Variants in MINDY2 observed in about 807,000 individuals in gnomAD.
The protein encoded by MINDY2 is ubiquitin carboxyl-terminal hydrolase MINDY-2.
MINDY2 carries 52 observed loss-of-function variants against 68.2 expected under a neutral mutation model. The observed-to-expected ratio is 0.76, with a 90% CI of 0.61 to 0.96. The LOEUF (loss-of-function observed/expected upper bound fraction) is 0.96. Ranked by LOEUF, MINDY2 falls within the 40% of genes least tolerant of loss-of-function variation. The probability of loss-of-function intolerance (pLI) is 0.00; values close to 1 mark genes in which losing one functional copy is unlikely to be tolerated. For synonymous variants in MINDY2, 372 were observed against 303.0 expected (o/e 1.23, Z -2.36); for missense variants, 881 against 773.4 (o/e 1.14, Z -1.65).
intron 6 of MINDY2, among the ~76,000 whole-genome samples, chr15:58,840,546 C>G (rs2032224145): frequency 6.6e-6 from 1 of 151,850 alleles, no homozygotes; most frequent in Non-Finnish European, 1.5e-5. Context: ...TCACTTCTTT[C>G]CTTGTACATC....
intron 5 of MINDY2, among the ~76,000 whole-genome samples, chr15:58,826,870 C>A (rs1444211923): frequency 6.6e-6 from 1 of 151,680 alleles, no homozygotes; most frequent in South Asian, 2.1e-4. Flanking sequence ...CCCTTCCTCC[C>A]TTCCTTCCTT....
chr15:58,771,838 C>A lies in MINDY2; in HGVS notation c.443C>A (p.Ser148Tyr). 2 of 1,606,966 alleles carry A rather than the reference C, an allele frequency of 1.2e-6. No homozygotes were observed. Among genetic ancestry groups the A allele is most frequent in the Non-Finnish European group, 1.7e-6 (2 of 1,177,180 alleles). Residue 148 changes from serine (S) to tyrosine (Y), a missense_variant, in exon 1 of 9, where the codon TCC becomes TAC. Coordinates refer to ENST00000559228, the MANE Select transcript of MINDY2 (RefSeq NM_001040450.3). Reference sequence around the variant, plus strand: ...CAAGCAGAACTGACCGCCGCCGGCTCCGAAGAGCCCAGCAGCGCCGGCGGC... The same window carrying A: ...CAAGCAGAACTGACCGCCGCCGGCTACGAAGAGCCCAGCAGCGCCGGCGGC... ...TCQAELTAAGSEEPSSAGGLS... is the reference protein window; with the variant it reads ...TCQAELTAAGYEEPSSAGGLS...
chr15:58,853,819 T>TAAAA (rs10563818), intron 8 of MINDY2, among the ~76,000 whole-genome samples: 38 of 102,108 alleles, frequency 3.7e-4, no homozygotes, highest in Middle Eastern at 5.8e-3. Flanking sequence ...TCCATCTCAA[T>TAAAA]AAAAAAAAAA....
intron 5 of MINDY2, among the ~76,000 whole-genome samples, chr15:58,826,225 C>CTTTTTTT (rs34666834): frequency 6.9e-4 from 68 of 98,128 alleles, no homozygotes; most frequent in Middle Eastern, 6.9e-3. Context: ...TTCACACAAT[C>CTTTTTTT]TTTTTTTTTT....
At position 58,847,642 on chromosome 15, in the gene MINDY2, T is replaced by A. The variant is rs566633071; in HGVS notation, c.1542+172T>A. On this transcript the variant is annotated intron_variant, in intron 7 of 8. Coordinates refer to ENST00000559228, the MANE Select transcript of MINDY2 (RefSeq NM_001040450.3). ...TTCTACATGTACATTAATTATGTAC[T>A]TTGGTGCAGAAGGCCAGATCATATT... Among the ~76,000 whole-genome samples, 7 of 152,358 alleles carry A rather than the reference T, an allele frequency of 4.6e-5. No homozygotes were observed. The East Asian group carries it at 1.3e-3, about 29-fold the overall frequency.
chr15:58,820,560 A>G (rs1325937085), intron 4 of MINDY2, among the ~76,000 whole-genome samples: 1 of 152,102 alleles, frequency 6.6e-6, no homozygotes, highest in African/African-American at 2.4e-5. Flanking sequence ...TTCCAGTTGT[A>G]TGAGTTAAGA....
intron 5 of MINDY2, among the ~76,000 whole-genome samples, chr15:58,825,501 G>A (rs369978762): frequency 7.2e-5 from 11 of 152,246 alleles, no homozygotes; most frequent in Admixed American, 5.9e-4. Context: ...AAAAAAAAGC[G>A]CAGTACCAGC....
chr15:58,795,629 C>G (rs1398335308), intron 2 of MINDY2, among the ~76,000 whole-genome samples: 4 of 152,166 alleles, frequency 2.6e-5, no homozygotes, highest in African/African-American at 9.6e-5. Flanking sequence ...TGGTCTCGAT[C>G]TCCTGACCTC....
In MINDY2 at chr15:58,861,439, A is replaced by G. The variant is rs1399745338; in HGVS notation, c.*6829A>G. ...TGAAATAATTCATCTGTTTTGCTTT[A>G]TGACCAGCTTTAATTTCAATTGAGG... is the stretch of plus-strand genomic sequence containing the variant. On this transcript the variant is annotated 3_prime_UTR_variant, in exon 9 of 9. Coordinates refer to ENST00000559228, the MANE Select transcript of MINDY2 (RefSeq NM_001040450.3). 1 of 152,096 alleles carries G rather than the reference A, an allele frequency of 6.6e-6. No individual in the cohort carries two copies. 9.4% of individuals were successfully genotyped at this position (152,096 alleles called of 1,614,324 possible). A position where few individuals can be genotyped will look rare whatever the true frequency, so the allele number is the denominator to read the frequency against.
intron 1 of MINDY2, among the ~76,000 whole-genome samples, chr15:58,781,379 TC>T (rs1474890197): frequency 6.6e-6 from 1 of 152,030 alleles, no homozygotes. Flanking sequence ...TTAGTAAATC[TC>T]ACTGCAACAA....
chr15:58,830,189 GA>G, intron 5 of MINDY2, among the ~76,000 whole-genome samples: 1 of 152,282 alleles, frequency 6.6e-6, no homozygotes, highest in East Asian at 1.9e-4. Flanking sequence ...CTGAATTAGT[GA>G]ATGCTGAACC....
Position 58,772,067 on chromosome 15 carries a change from G to GGA in MINDY2, c.675_676dup (p.Thr226ArgfsTer57). ...CTCTGTGCAAGGAGGAGGAGGGGGA[G>GGA]GAGACCGCTCAGGTGCTGGCGGCCT... On this transcript the variant is annotated frameshift_variant, in exon 1 of 9. Coordinates refer to ENST00000559228, the MANE Select transcript of MINDY2 (RefSeq NM_001040450.3). LOFTEE classifies it high-confidence loss of function. 4 of 1,612,026 alleles carry GGA rather than the reference G, an allele frequency of 2.5e-6. No homozygotes were observed. Among genetic ancestry groups the GGA allele is most frequent in the Non-Finnish European group, 3.4e-6 (4 of 1,178,836 alleles).
chr15:58,830,899 A>G (rs2031673640), intron 5 of MINDY2, among the ~76,000 whole-genome samples: 1 of 152,078 alleles, frequency 6.6e-6, no homozygotes, highest in South Asian at 2.1e-4. Context: ...ATGTCCACAA[A>G]CAAGCATGAA....
rs536289460 is a variant in MINDY2, at chr15:58,773,859, A to G, written c.840+1624A>G. Reference sequence around the variant, plus strand: ...TATTGTGTGTTTATATGTTTATTACATGACAGAAGTGGTAAGCTAATGTTG... The same window carrying G: ...TATTGTGTGTTTATATGTTTATTACGTGACAGAAGTGGTAAGCTAATGTTG... On this transcript the variant is annotated intron_variant, in intron 1 of 8. Transcript: ENST00000559228. Among the ~76,000 whole-genome samples, 9 of 152,360 alleles carry G rather than the reference A, an allele frequency of 5.9e-5. No individual in the cohort carries two copies. The South Asian group carries it at 1.7e-3, about 28-fold the overall frequency.
intron 6 of MINDY2, among the ~76,000 whole-genome samples, chr15:58,832,331 C>T (rs1200449892): frequency 6.7e-6 from 1 of 149,048 alleles, no homozygotes; most frequent in African/African-American, 2.5e-5. Flanking sequence ...GGTTCAGGCG[C>T]TTCTCCTACC....
intron 5 of MINDY2, among the ~76,000 whole-genome samples, chr15:58,823,889 C>G (rs2031230292): frequency 6.6e-6 from 1 of 152,188 alleles, no homozygotes; most frequent in South Asian, 2.1e-4. Context: ...AGTTTGCATT[C>G]CTATACAAGC....
intron 7 of MINDY2, 62 bp downstream of exon 7, chr15:58,847,532 A>C (rs1323711618): frequency 7.2e-7 from 1 of 1,393,920 alleles, no homozygotes; most frequent in East Asian, 2.3e-5. Flanking sequence ...ATGTGAATTC[A>C]TGTATCCAAA....
intron 2 of MINDY2, among the ~76,000 whole-genome samples, chr15:58,791,921 A>G (rs1221299599): frequency 6.6e-6 from 1 of 152,034 alleles, no homozygotes; most frequent in African/African-American, 2.4e-5. Flanking sequence ...GGAAGGAGAA[A>G]GAGCCGGCAC....
At chr15:58,800,619 C>T (rs1197941081) in intron 2 of MINDY2, among the ~76,000 whole-genome samples, 5 of 151,616 alleles carry the variant, frequency 3.3e-5, no homozygotes. Context: ...CTTTTTCTCC[C>T]ATTGCCATTC....
Sources: allele counts gnomAD v4.1 joint callset (sites outside exome capture counted in the v4.1 genomes callset), GRCh38; gene constraint gnomAD v4.1.1; transcripts MANE v1.5; gene names NCBI Gene and HGNC (gene_info 2026-07-23, HGNC 2026-07-21).